RPH3A: variants seen among roughly 807,000 people sequenced by gnomAD.
RPH3A encodes the protein rabphilin 3A.
RPH3A carries 48 observed loss-of-function variants against 102.2 expected under a neutral mutation model. That is an observed-to-expected ratio of 0.47 (90% CI 0.37 to 0.60). The LOEUF (loss-of-function observed/expected upper bound fraction) is 0.60. Among genes scored for constraint, RPH3A ranks in the 20% least tolerant of loss-of-function variants. The pLI, the probability that RPH3A is intolerant of heterozygous loss-of-function variation, is 0.00. For missense variants in RPH3A, 781 were observed against 910.1 expected (o/e 0.86, Z 1.83); for synonymous variants, 310 against 324.3 (o/e 0.96, Z 0.47).
chr12:112,690,472 G>A (rs1329788798), intron 1 of RPH3A, among the ~76,000 whole-genome samples: 1 of 152,180 alleles, frequency 6.6e-6, no homozygotes, highest in African/African-American at 2.4e-5. Flanking sequence ...TGGGGCACAT[G>A]GCTTATTACC....
chr12:112,742,219 A>T (rs766646413), intron 1 of RPH3A, among the ~76,000 whole-genome samples: 2 of 152,196 alleles, frequency 1.3e-5, no homozygotes, highest in African/African-American at 2.4e-5. Flanking sequence ...TCATGTTGCC[A>T]TGATAGATGT....
intron 1 of RPH3A, among the ~76,000 whole-genome samples, chr12:112,606,793 G>A (rs1021555370): frequency 1.3e-5 from 2 of 152,128 alleles, no homozygotes; most frequent in Non-Finnish European, 2.9e-5. Flanking sequence ...TGAACAACCA[G>A]GTCTCGTGAG....
chr12:112,813,933 T>G (rs1272991169), intron 2 of RPH3A, among the ~76,000 whole-genome samples: 1 of 149,770 alleles, frequency 6.7e-6, no homozygotes, highest in Admixed American at 6.6e-5. Context: ...ATGAGGGTGT[T>G]GTGTTTGTAT....
intron 1 of RPH3A, among the ~76,000 whole-genome samples, chr12:112,690,312 G>T (rs1050581717): frequency 5.3e-5 from 8 of 152,318 alleles, no homozygotes; most frequent in African/African-American, 1.7e-4. Flanking sequence ...GTGGTATCTG[G>T]TTAAGTTGGT....
At chr12:112,795,529 A>T (rs919589758) in intron 2 of RPH3A, among the ~76,000 whole-genome samples, 1 of 152,148 alleles carries the variant, frequency 6.6e-6, no homozygotes, top group Non-Finnish European at 1.5e-5. Flanking sequence ...TTAACCAGCC[A>T]GGGGCTGCAG....
At chr12:112,582,992 TGCTGGGTGGGTG>T (rs1321510546) in intron 1 of RPH3A, among the ~76,000 whole-genome samples, 1 of 152,180 alleles carries the variant, frequency 6.6e-6, no homozygotes, top group Non-Finnish European at 1.5e-5. Context: ...CCCAGAAACT[TGCTGGGTGGGTG>T]GCTTCGTGAA....
chr12:112,739,962 A>T (rs1042791535), intron 1 of RPH3A, among the ~76,000 whole-genome samples: 1 of 152,034 alleles, frequency 6.6e-6, no homozygotes, highest in South Asian at 2.1e-4. Flanking sequence ...AGCCTTGGGT[A>T]GTAACCACTT....
chr12:112,783,383 T>A (rs537551656), intron 1 of RPH3A, among the ~76,000 whole-genome samples: 1 of 152,226 alleles, frequency 6.6e-6, no homozygotes, highest in Non-Finnish European at 1.5e-5. Context: ...CCACCTCACA[T>A]GCATAATAGA....
chr12:112,579,899 T>C (rs1459783745), intron 1 of RPH3A, among the ~76,000 whole-genome samples: 1 of 152,164 alleles, frequency 6.6e-6, no homozygotes, highest in Non-Finnish European at 1.5e-5. Context: ...CTGGCCAAGT[T>C]GTTTCTTATG....
chr12:112,698,186 G>A (rs1235988251), intron 1 of RPH3A, among the ~76,000 whole-genome samples: 2 of 152,116 alleles, frequency 1.3e-5, no homozygotes, highest in Non-Finnish European at 2.9e-5. Context: ...AATTGTGCTA[G>A]GACAATTGGA....
chr12:112,887,423 C>T (rs895333475), intron 16 of RPH3A, among the ~76,000 whole-genome samples: 3 of 152,102 alleles, frequency 2.0e-5, no homozygotes, highest in African/African-American at 4.8e-5. Flanking sequence ...GGTCAAAAAC[C>T]AGACAAATGA....
intron 1 of RPH3A, among the ~76,000 whole-genome samples, chr12:112,614,738 C>G (rs181897851): frequency 6.9e-6 from 1 of 144,916 alleles, no homozygotes; most frequent in South Asian, 2.3e-4. Context: ...GATCCAAGAT[C>G]CATTTTGTAT....
chr12:112,683,672 G>A (rs1488388498), intron 1 of RPH3A, among the ~76,000 whole-genome samples: 1 of 152,188 alleles, frequency 6.6e-6, no homozygotes, highest in Non-Finnish European at 1.5e-5. Context: ...TTGTCTCACT[G>A]CTGAGTGGGA....
chr12:112,718,816 A>G (rs2040531887), intron 1 of RPH3A, among the ~76,000 whole-genome samples: 2 of 152,256 alleles, frequency 1.3e-5, no homozygotes. Flanking sequence ...CTTAGAAGGA[A>G]GGAGAGCAGG....
chr12:112,741,160 G>T (rs1372482796), intron 1 of RPH3A, among the ~76,000 whole-genome samples: 2 of 152,132 alleles, frequency 1.3e-5, no homozygotes, highest in African/African-American at 2.4e-5. Context: ...GCTTGAAAAT[G>T]GCTGAGCTGG....
intron 1 of RPH3A, among the ~76,000 whole-genome samples, chr12:112,677,764 G>A (rs232934): frequency 0.91 from 138,121 of 152,110 alleles, 62,851 homozygotes; most frequent in East Asian, 0.97. Context: ...CTTGGCACAC[G>A]GCAAAGCAGC....
chr12:112,608,424 C>T (rs2039614832), intron 1 of RPH3A, among the ~76,000 whole-genome samples: 1 of 152,126 alleles, frequency 6.6e-6, no homozygotes. Context: ...CTGACATTCT[C>T]AAGTAGTGTC....
At chr12:112,615,888 T>TGAC (rs996837254) in intron 1 of RPH3A, among the ~76,000 whole-genome samples, 1 of 152,182 alleles carries the variant, frequency 6.6e-6, no homozygotes, top group Admixed American at 6.5e-5. Context: ...GCCCTTAGAA[T>TGAC]GACGCCTGGC....
intron 1 of RPH3A, among the ~76,000 whole-genome samples, chr12:112,689,573 G>A (rs2040291837): frequency 6.6e-6 from 1 of 152,206 alleles, no homozygotes; most frequent in African/African-American, 2.4e-5. Flanking sequence ...ATTTCTAATT[G>A]TAAGCTGGAA....
Sources: allele counts gnomAD v4.1 joint callset (sites outside exome capture counted in the v4.1 genomes callset), GRCh38; gene constraint gnomAD v4.1.1; transcripts MANE v1.5; gene names NCBI Gene and HGNC (gene_info 2026-07-23, HGNC 2026-07-21).